The following SMOC1 variants were observed in gnomAD, a reference collection of about 807,000 sequenced individuals.
The protein encoded by SMOC1 is SPARC related modular calcium binding 1.
In SMOC1, 22 loss-of-function variants were observed where a neutral mutation model predicts 56.3. The ratio of observed to expected loss-of-function variants is 0.39; its 90% CI spans 0.28 to 0.56. The LOEUF is 0.56. SMOC1 is among the 20% of genes least tolerant of loss of function. SMOC1 has a pLI of 0.61. For missense variants in SMOC1, 509 were observed against 565.4 expected, an observed-to-expected ratio of 0.90 and a Z score of 1.01; for synonymous variants, 193 against 215.0, an observed-to-expected ratio of 0.90 and a Z score of 0.89.
intron 1 of SMOC1, among the ~76,000 whole-genome samples, chr14:69,891,074 A>G (rs1883947765): frequency 6.6e-6 from 1 of 152,276 alleles, no homozygotes; most frequent in Non-Finnish European, 1.5e-5. Flanking sequence ...ATTATTGCAG[A>G]TGAATTTCAC....
intron 5 of SMOC1, among the ~76,000 whole-genome samples, chr14:69,980,851 G>A (rs926908613): frequency 2.6e-5 from 4 of 152,190 alleles, no homozygotes; most frequent in African/African-American, 9.7e-5. Context: ...AGGTCTGGAG[G>A]TGTGAGTGGT....
chr14:69,951,770 TCAGCC>T (rs1883002059), intron 1 of SMOC1, among the ~76,000 whole-genome samples: 5 of 152,218 alleles, frequency 3.3e-5, no homozygotes, highest in African/African-American at 1.2e-4. Context: ...AGGTTCTAAT[TCAGCC>T]TCCACTGCTT....
chr14:70,010,917 A>G lies in SMOC1; in HGVS notation c.828A>G (p.Thr276=). 6.2e-7 allele frequency: 1 copy of G among 1,613,054 alleles called. No individual in the cohort carries two copies. Among genetic ancestry groups the G allele is most frequent in the Non-Finnish European group, 8.5e-7 (1 of 1,180,026 alleles). The stretch of plus-strand genomic sequence containing the variant: ...ACTGCTGGTGTGTGCTGGTGGACAC[A>G]GGGCGCCCGCTGCCTGGGACCTCCA... The part of the protein sequence containing the change: ...TGYCWCVLVD[T]GRPLPGTSTR... The change falls in exon 8 of 12, where the codon ACA becomes ACG. Residue 276 remains threonine (T), a synonymous_variant. Transcript: ENST00000361956.
chr14:69,994,347 C>T, intron 6 of SMOC1, 53 bp from the exon 7 acceptor site: 1 of 1,401,182 alleles, frequency 7.1e-7, no homozygotes. Context: ...TACACTTCCA[C>T]TCACATAGTC....
At chr14:69,951,131 A>G (rs1247072873) in intron 1 of SMOC1, among the ~76,000 whole-genome samples, 2 of 152,170 alleles carry the variant, frequency 1.3e-5, no homozygotes, top group African/African-American at 4.8e-5. Flanking sequence ...GCTTCCTCAT[A>G]ATATGGTGGT....
At chr14:70,021,325 A>G (rs888767007) in intron 10 of SMOC1, among the ~76,000 whole-genome samples, 1 of 152,220 alleles carries the variant, frequency 6.6e-6, no homozygotes, top group Non-Finnish European at 1.5e-5. Context: ...TGCAGCTGGT[A>G]TGCACTGCAG....
intron 7 of SMOC1, among the ~76,000 whole-genome samples, chr14:70,001,734 C>G (rs74930991): frequency 1.3e-5 from 2 of 152,112 alleles, no homozygotes; most frequent in Non-Finnish European, 2.9e-5. Context: ...ACTGTGCCAC[C>G]AGGTTTAATG....
At chr14:70,025,223 T>C (rs1322882824) in intron 11 of SMOC1, among the ~76,000 whole-genome samples, 1 of 152,198 alleles carries the variant, frequency 6.6e-6, no homozygotes, top group African/African-American at 2.4e-5. Context: ...GCCGACTTAT[T>C]TGAAATGGAA....
intron 1 of SMOC1, among the ~76,000 whole-genome samples, chr14:69,930,292 C>G (rs1009504798): frequency 2.7e-5 from 4 of 149,460 alleles, no homozygotes; most frequent in Non-Finnish European, 5.9e-5. Flanking sequence ...CACCACACTG[C>G]CCGTCCCAGA....
intron 1 of SMOC1, among the ~76,000 whole-genome samples, chr14:69,909,527 A>C (rs1594796957): frequency 6.6e-6 from 1 of 152,240 alleles, no homozygotes. Flanking sequence ...AAACAGCTTT[A>C]AGCTCAGAGG....
rs997980339 is a variant in SMOC1, at chr14:69,980,605, G to T, written c.526+2640G>T. 1.2e-4 allele frequency among the ~76,000 whole-genome samples: 18 copies of T among 152,168 alleles called. 1 individual carries two copies. Among genetic ancestry groups the T allele is most frequent in the Admixed American group, 1.1e-3 (17 of 15,286 alleles). ...TTGAATGGGGACAGGGTGCGAGAGG[G>T]CATTAGTAATATCCTGTGTCGACTA... On this transcript the variant is annotated intron_variant, in intron 5 of 11. Transcript: ENST00000361956.
intron 1 of SMOC1, among the ~76,000 whole-genome samples, chr14:69,928,394 G>A (rs567387083): frequency 1.3e-5 from 2 of 152,192 alleles, no homozygotes; most frequent in African/African-American, 2.4e-5. Context: ...CAGTCTCCTC[G>A]TAGTCTGGGT....
intron 5 of SMOC1, among the ~76,000 whole-genome samples, chr14:69,982,334 C>T (rs1884209703): frequency 1.3e-5 from 2 of 152,246 alleles, no homozygotes; most frequent in Admixed American, 1.3e-4. Flanking sequence ...AGATCTCCCA[C>T]TGGCTGTTCC....
chr14:69,892,815 A>G (rs1343543231), intron 1 of SMOC1, among the ~76,000 whole-genome samples: 3 of 152,214 alleles, frequency 2.0e-5, no homozygotes, highest in Non-Finnish European at 4.4e-5. Flanking sequence ...ATACCATACC[A>G]CAACCAAAAA....
chr14:69,879,555 A>G lies in SMOC1; in HGVS notation c.-124A>G. On this transcript the variant is annotated 5_prime_UTR_variant, in exon 1 of 12. Transcript: ENST00000361956. ...CGCAGCCTCTGCGAGCCCCCGCCGC[A>G]GGACCACGGCCCGCTCCCCGCCGCC... is the stretch of plus-strand genomic sequence containing the variant. 1.5e-6 allele frequency: 1 copy of G among 676,422 alleles called. No homozygotes were observed. Among genetic ancestry groups the G allele is most frequent in the African/African-American group, 1.9e-5 (1 of 52,268 alleles). The allele number at this position is 676,422 out of a possible 1,614,324, so 41.9% of individuals were successfully genotyped here. A position where few individuals can be genotyped will look rare whatever the true frequency, so the allele number is the denominator to read the frequency against.
Position 70,023,231 on chromosome 14 carries a change from C to T in SMOC1, c.1075C>T (p.Leu359=). The change falls in exon 11 of 12, where the codon CTG becomes TTG. Residue 359 remains leucine (L), a synonymous_variant. Coordinates refer to ENST00000361956, the MANE Select transcript of SMOC1 (RefSeq NM_001034852.3). ...CTCAGAGCCAGACCCCAGCCACACC[C>T]TGGAGGAGCGGGTAGTGCACTGGTA... ...RFSEPDPSHT[L]EERVVHWYFS... 5 of 1,614,104 alleles carry T rather than the reference C, an allele frequency of 3.1e-6. No individual in the cohort carries two copies. The highest frequency in any genetic ancestry group is 4.2e-6 in the Non-Finnish European group (5 of 1,180,010).
intron 10 of SMOC1, among the ~76,000 whole-genome samples, chr14:70,020,783 GA>G (rs1219523704): frequency 6.6e-6 from 1 of 152,196 alleles, no homozygotes; most frequent in Non-Finnish European, 1.5e-5. Context: ...GAAAGGCAGG[GA>G]AAGGGGCAGG....
intron 1 of SMOC1, among the ~76,000 whole-genome samples, chr14:69,903,685 A>G (rs964239623): frequency 2.0e-5 from 3 of 152,158 alleles, no homozygotes; most frequent in African/African-American, 7.2e-5. Flanking sequence ...GTGCTTTGTT[A>G]AACAGATGCT....
intron 1 of SMOC1, among the ~76,000 whole-genome samples, chr14:69,919,247 A>G (rs954433340): frequency 1.3e-5 from 2 of 152,156 alleles, no homozygotes; most frequent in African/African-American, 4.8e-5. Context: ...TGGGACAGAG[A>G]GCATGCTCAG....
Sources: gnomAD v4.1 joint callset for allele counts (sites outside exome capture counted in the v4.1 genomes callset) on GRCh38, gnomAD v4.1.1 for gene constraint, MANE v1.5 for transcripts, NCBI Gene and HGNC (gene_info 2026-07-23, HGNC 2026-07-21) for gene names.